Variants in PALM2AKAP2 observed in about 807,000 individuals in gnomAD.
PALM2AKAP2 encodes the protein PALM2 and AKAP2 fusion, also known as PALM2-AKAP2 fusion protein.
In PALM2AKAP2, 37 loss-of-function variants were observed where a neutral mutation model predicts 71.5. The observed-to-expected ratio is 0.52, with a 90% CI of 0.40 to 0.68. The LOEUF is 0.68. Ranked by LOEUF, PALM2AKAP2 falls within the 30% of genes least tolerant of loss-of-function variation. PALM2AKAP2 has a pLI of 0.00. For synonymous variants in PALM2AKAP2, 468 were observed against 478.8 expected, an observed-to-expected ratio of 0.98 and a Z score of 0.29; for missense variants, 1,224 against 1,191.8, an observed-to-expected ratio of 1.03 and a Z score of -0.40.
At chr9:109,938,800 G>T (rs1482978029) in intron 6 of PALM2AKAP2, among the ~76,000 whole-genome samples, 1 of 152,142 alleles carries the variant, frequency 6.6e-6, no homozygotes, top group Non-Finnish European at 1.5e-5. Flanking sequence ...AGGCTGAGGA[G>T]GGTGGATCGC....
Position 110,127,143 on chromosome 9 carries a change from A to C in PALM2AKAP2, c.157-8984A>C, listed in dbSNP as rs576676418. Among the ~76,000 whole-genome samples the C allele has an allele frequency of 5.9e-4, 90 of 152,324 alleles. 2 individuals are homozygous for C. Among genetic ancestry groups the C allele is most frequent in the Admixed American group, 5.6e-3 (85 of 15,298 alleles). On this transcript the variant is annotated intron_variant, in intron 1 of 3. Coordinates refer to ENST00000374525, the Ensembl canonical transcript of PALM2AKAP2. ...CAGAAAAAAAGGCTGGACCTGCAGG[A>C]GCAGGAACAGGACTCCTGGCCTCCA... is the stretch of plus-strand genomic sequence containing the variant.
At chr9:109,965,357 T>C (rs1018982794) in intron 6 of PALM2AKAP2, among the ~76,000 whole-genome samples, 1 of 152,170 alleles carries the variant, frequency 6.6e-6, no homozygotes, top group African/African-American at 2.4e-5. Context: ...CACAGATGAA[T>C]GGATAAACAA....
intron 7 of PALM2AKAP2, among the ~76,000 whole-genome samples, chr9:110,019,971 AT>A (rs940432840): frequency 3.2e-4 from 49 of 152,080 alleles, no homozygotes; most frequent in Non-Finnish European, 5.4e-4. Flanking sequence ...AAAAAGAATT[AT>A]TTTTTTTCTC....
At chr9:110,042,912 A>G (rs1056643846) in intron 7 of PALM2AKAP2, among the ~76,000 whole-genome samples, 4 of 152,152 alleles carry the variant, frequency 2.6e-5, no homozygotes, top group Admixed American at 2.6e-4. Context: ...AAACAACCCA[A>G]TTATAGATTT....
exon 2 of PALM2AKAP2, chr9:110,137,640 A>G (rs1302063532): frequency 3.7e-6 from 6 of 1,614,072 alleles, no homozygotes; most frequent in Middle Eastern, 1.6e-4. Flanking sequence ...TCCTTGACCC[A>G]AGAGGAGCTT....
chr9:109,745,116 C>T (rs1828778258), intron 1 of PALM2AKAP2, among the ~76,000 whole-genome samples: 2 of 152,206 alleles, frequency 1.3e-5, no homozygotes, highest in African/African-American at 4.8e-5. Flanking sequence ...CCAGCGATTT[C>T]ATAGAATGGC....
chr9:109,877,745 C>G (rs1266610864), intron 2 of PALM2AKAP2, among the ~76,000 whole-genome samples: 1 of 152,168 alleles, frequency 6.6e-6, no homozygotes, highest in Non-Finnish European at 1.5e-5. Context: ...GGCGAAGGAG[C>G]CTGTCCAAGC....
In PALM2AKAP2 at chr9:110,015,927, A is replaced by T. The variant is rs576871202; in HGVS notation, c.497-27A>T. On this transcript the variant is annotated intron_variant, in intron 6 of 9. Coordinates refer to the PALM2AKAP2 transcript ENST00000302798. ...CCATGTCAGCTGAATGACTTGGCTC[A>T]AATGGCACTTCTTTTTTTTCTTTCA... is the stretch of plus-strand genomic sequence containing the variant. The T allele has an allele frequency of 2.5e-6, 4 of 1,603,550 alleles. No individual in the cohort carries two copies. In the African/African-American group the frequency reaches 5.3e-5, roughly 21 times the overall value.
chr9:110,038,141 A>T (rs961414347), intron 7 of PALM2AKAP2, among the ~76,000 whole-genome samples: 2 of 152,150 alleles, frequency 1.3e-5, no homozygotes, highest in Admixed American at 1.3e-4. Flanking sequence ...GGTGTTTGAG[A>T]CTGGCCTGGG....
At chr9:109,867,126 C>A (rs1829467769) in intron 1 of PALM2AKAP2, 1 of 454,926 alleles carries the variant, frequency 2.2e-6, no homozygotes, top group South Asian at 1.6e-5. Context: ...CGTTTTTATT[C>A]TTTGTGTCCA....
At chr9:109,866,016 G>A (rs1032099512) in intron 1 of PALM2AKAP2, among the ~76,000 whole-genome samples, 6 of 152,178 alleles carry the variant, frequency 3.9e-5, no homozygotes, top group Non-Finnish European at 7.3e-5. Context: ...TTGGTAAATG[G>A]TACTACATTC....
chr9:110,018,011 T>C (rs1016434886), intron 7 of PALM2AKAP2, among the ~76,000 whole-genome samples: 6 of 150,658 alleles, frequency 4.0e-5, no homozygotes, highest in African/African-American at 1.5e-4. Context: ...CAGGCGTGAG[T>C]CACCGCTCCA....
At chr9:109,887,390 C>T (rs1289749399) in intron 3 of PALM2AKAP2, among the ~76,000 whole-genome samples, 3 of 152,196 alleles carry the variant, frequency 2.0e-5, no homozygotes, top group Admixed American at 6.5e-5. Context: ...CACTTCCAGC[C>T]GGGGTCCCCA....
At chr9:110,119,722 C>T (rs181874198) in intron 1 of PALM2AKAP2, among the ~76,000 whole-genome samples, 1 of 152,246 alleles carries the variant, frequency 6.6e-6, no homozygotes, top group Admixed American at 6.5e-5. Context: ...TTTTTGTGAA[C>T]CGTCTATCCA....
chr9:109,795,585 C>T lies in PALM2AKAP2; in HGVS notation c.45+15052C>T, dbSNP rs965597074. ...AGAAAGTGTCCATCTATAGTGCCGCCGTGGGAAGATCTTTGAAGCTGCATT... is the reference window on the plus strand; with the variant it reads ...AGAAAGTGTCCATCTATAGTGCCGCTGTGGGAAGATCTTTGAAGCTGCATT... On this transcript the variant is annotated intron_variant, in intron 1 of 9. Transcript: ENST00000302798. 7.2e-5 allele frequency among the ~76,000 whole-genome samples: 11 copies of T among 152,152 alleles called. No individual in the cohort carries two copies. In the East Asian group the frequency reaches 9.6e-4, roughly 13 times the overall value.
At chr9:110,136,318 C>T (rs759951583) in exon 2 of PALM2AKAP2, 34 of 1,614,048 alleles carry the variant, frequency 2.1e-5, no homozygotes, top group East Asian at 4.5e-5. Context: ...ACCATCCCTC[C>T]GCTTTCTATT....
At chr9:110,100,049 G>GTC (rs1554751750) in intron 1 of PALM2AKAP2, among the ~76,000 whole-genome samples, 2 of 36,894 alleles carry the variant, frequency 5.4e-5, no homozygotes, top group African/African-American at 2.6e-4. Context: ...ATGTATGTGT[G>GTC]TCTATATATA....
At chr9:109,915,055 A>G (rs1004122926) in intron 3 of PALM2AKAP2, among the ~76,000 whole-genome samples, 1 of 152,130 alleles carries the variant, frequency 6.6e-6, no homozygotes. Flanking sequence ...ACCATGGAAA[A>G]TAAGTTTTGT....
chr9:109,713,495 C>A (rs542558305), intron 1 of PALM2AKAP2, among the ~76,000 whole-genome samples: 3 of 152,106 alleles, frequency 2.0e-5, no homozygotes, highest in African/African-American at 7.2e-5. Context: ...TACTATTTTT[C>A]TATATATGCT....
Sources: gnomAD v4.1 joint callset for allele counts (sites outside exome capture counted in the v4.1 genomes callset) on GRCh38, gnomAD v4.1.1 for gene constraint, MANE v1.5 for transcripts, NCBI Gene and HGNC (gene_info 2026-07-23, HGNC 2026-07-21) for gene names.